The following FRY variants were observed in gnomAD, a reference collection of about 807,000 sequenced individuals.
FRY encodes the protein protein furry homolog.
A neutral mutation model predicts 348.4 loss-of-function variants in FRY; 128 were observed. That is an observed-to-expected ratio of 0.37 (90% CI 0.32 to 0.43). The LOEUF (loss-of-function observed/expected upper bound fraction) is 0.43, where lower values mean the gene tolerates loss of function less well. Among genes scored for constraint, FRY ranks in the 20% least tolerant of loss-of-function variants. FRY has a pLI of 1.00. For missense variants in FRY, 2,736 were observed against 3,695.2 expected (o/e 0.74, Z 6.73); for synonymous variants, 1,370 against 1,374.7 (o/e 1.00, Z 0.08).
Position 32,247,652 on chromosome 13 carries a change from G to C in FRY, c.7008+150G>C, listed in dbSNP as rs774243391. 285 of 709,918 alleles carry C rather than the reference G, an allele frequency of 4.0e-4. 2 individuals carry two copies. The highest frequency in any genetic ancestry group is 1.1e-4 in the Non-Finnish European group (44 of 404,002). The allele number at this position is 709,918 out of a possible 1,614,324, so 44.0% of individuals were successfully genotyped here. The stretch of plus-strand genomic sequence containing the variant: ...GCTAAATTAGGTTTTGCTTTTTAAA[G>C]AACCCATTGAGTGTCATATTCACTG... On this transcript the variant is annotated intron_variant, in intron 48 of 60. Transcript: ENST00000542859.
chr13:32,270,398 G>T (rs1888146432), intron 55 of FRY, among the ~76,000 whole-genome samples: 1 of 152,150 alleles, frequency 6.6e-6, no homozygotes, highest in African/African-American at 2.4e-5. Context: ...GTAAAGACAA[G>T]GTTTCACCAT....
intron 41 of FRY, 38 bp downstream of exon 41, chr13:32,231,338 T>C (rs1885905199): frequency 6.2e-7 from 1 of 1,604,250 alleles, no homozygotes; most frequent in Non-Finnish European, 8.5e-7. Context: ...TCTTTCAGCA[T>C]TGTTCTGTAA....
At chr13:32,113,483 C>T (rs1208536013) in intron 3 of FRY, among the ~76,000 whole-genome samples, 2 of 152,192 alleles carry the variant, frequency 1.3e-5, no homozygotes, top group Admixed American at 1.3e-4. Context: ...AACATTAAAA[C>T]ATTTACAAAG....
At chr13:32,056,347 C>G (rs7336597) in intron 1 of FRY, among the ~76,000 whole-genome samples, 4,944 of 152,226 alleles carry the variant, frequency 0.032, 283 homozygotes, top group African/African-American at 0.11. Flanking sequence ...AGCTTGCTGT[C>G]AGAGGTACCC....
intron 50 of FRY, among the ~76,000 whole-genome samples, chr13:32,252,899 C>T (rs544154183): frequency 1.3e-5 from 2 of 152,134 alleles, no homozygotes; most frequent in East Asian, 1.9e-4. Flanking sequence ...GCTCCTGTGA[C>T]AATATTTAGG....
intron 51 of FRY, among the ~76,000 whole-genome samples, chr13:32,256,770 A>G (rs1201319957): frequency 6.6e-6 from 1 of 152,174 alleles, no homozygotes; most frequent in Non-Finnish European, 1.5e-5. Context: ...CATGGATGCA[A>G]TTCCTCTTGC....
chr13:32,145,670 G>A (rs375292110), intron 11 of FRY, among the ~76,000 whole-genome samples: 4,134 of 149,954 alleles, frequency 0.028, 72 homozygotes, highest in Non-Finnish European at 0.033. Context: ...TCAGCCTCCC[G>A]AGTAGCTGGG....
chr13:32,266,140 A>G (rs7981294), intron 54 of FRY, among the ~76,000 whole-genome samples: 2,022 of 152,322 alleles, frequency 0.013, 63 homozygotes, highest in African/African-American at 0.046. Flanking sequence ...ATCACAAATA[A>G]TAATGCTACA....
rs184059535 is a variant in FRY at position 32,163,004 on chromosome 13, G to A, written c.1892+1753G>A. On this transcript the variant is annotated intron_variant, in intron 17 of 60. Transcript: ENST00000542859. ...ATGAACACGATGATTTAGGGGCTGG[G>A]GGAAGCTGAGGGAAAGAGAGACTAA... Among the ~76,000 whole-genome samples the A allele has an allele frequency of 1.7e-3, 258 of 152,298 alleles. 1 individual carries two copies. The highest frequency in any genetic ancestry group is 0.016 in the South Asian group (78 of 4,826).
chr13:32,111,081 A>G (rs1032421728), intron 3 of FRY, among the ~76,000 whole-genome samples: 2 of 152,346 alleles, frequency 1.3e-5, no homozygotes, highest in African/African-American at 4.8e-5. Context: ...GGAGACTTCA[A>G]GGGAAATTAT....
At chr13:32,294,708 CA>C (rs1889546915) in intron 60 of FRY, 138 bp downstream of exon 60, 1 of 713,590 alleles carries the variant, frequency 1.4e-6, no homozygotes, top group African/African-American at 1.7e-5. Context: ...GCTGCCAAAC[CA>C]GAAACACTCA....
chr13:32,124,757 C>A, intron 6 of FRY, 38 bp from the exon 7 acceptor site: 1 of 1,545,668 alleles, frequency 6.5e-7, no homozygotes, highest in Non-Finnish European at 8.9e-7. Context: ...TTTCCGATGA[C>A]CAGGGATCCC....
Position 32,218,739 on chromosome 13 carries a change from G to T in FRY, c.4683-10G>T. The T allele has an allele frequency of 2.0e-6, 3 of 1,483,494 alleles. No homozygotes were observed. The highest frequency in any genetic ancestry group is 2.8e-6 in the Non-Finnish European group (3 of 1,065,294). 91.9% of individuals were successfully genotyped at this position (1,483,494 alleles called of 1,614,324 possible). The stretch of plus-strand genomic sequence containing the variant: ...TTAATATTTCATTCTGGTTGTTCTT[G>T]TATTTGAAGGTTTAGTAATGTCATC... On this transcript the variant is annotated splice_polypyrimidine_tract_variant and intron_variant, in intron 35 of 60. Coordinates refer to ENST00000542859, the MANE Select transcript of FRY (RefSeq NM_023037.3).
Position 32,186,348 on chromosome 13 carries a change from T to C in FRY, c.3408T>C (p.Ile1136=), listed in dbSNP as rs1416842845. The C allele has an allele frequency of 3.7e-6, 6 of 1,609,266 alleles. No homozygotes were observed. The change falls in exon 27 of 61, where the codon ATT becomes ATC. Residue 1136 remains isoleucine (I), a synonymous_variant. Coordinates refer to ENST00000542859, the MANE Select transcript of FRY (RefSeq NM_023037.3). ...LFSQWAGPFS[I]MFTPLDRYSD... is the part of the protein sequence containing the mutation. ...GCCAGTGGGCAGGACCCTTCAGCAT[T>C]ATGTTCACTCCTCTGGATCGTTACA...
chr13:32,247,850 A>G (rs931143360), intron 48 of FRY, among the ~76,000 whole-genome samples: 1 of 152,218 alleles, frequency 6.6e-6, no homozygotes, highest in Admixed American at 6.5e-5. Context: ...TTCTCCCTGA[A>G]TGACAGCCAG....
intron 11 of FRY, among the ~76,000 whole-genome samples, chr13:32,145,531 T>TG (rs1566095520): frequency 3.0e-4 from 24 of 79,012 alleles, no homozygotes; most frequent in African/African-American, 7.0e-4. Flanking sequence ...GATTTGTTTT[T>TG]TTTTTTTTTT....
intron 4 of FRY, among the ~76,000 whole-genome samples, chr13:32,117,838 A>G (rs986405225): frequency 2.0e-5 from 3 of 152,172 alleles, no homozygotes; most frequent in Non-Finnish European, 4.4e-5. Flanking sequence ...TCCTCGTTCC[A>G]GTAACCTTGA....
chr13:32,043,554 C>T (rs1011423179), intron 1 of FRY, among the ~76,000 whole-genome samples: 2 of 152,098 alleles, frequency 1.3e-5, no homozygotes, highest in Non-Finnish European at 2.9e-5. Flanking sequence ...AACCTAGACT[C>T]TAGGATAAAC....
Position 32,225,740 on chromosome 13 carries a change from A to G in FRY, c.5021-49A>G, listed in dbSNP as rs778727891. The G allele has an allele frequency of 3.7e-6, 5 of 1,347,322 alleles. No individual in the cohort carries two copies. In the South Asian group the frequency reaches 5.8e-5, roughly 16 times the overall value. The allele number at this position is 1,347,322 out of a possible 1,614,324, so 83.5% of individuals were successfully genotyped here. On this transcript the variant is annotated intron_variant, in intron 38 of 60. Transcript: ENST00000542859. ...GGAATCTTTACTATCCCTGGAATCT[A>G]AACGAGCTTAACGTTTGTTTATACT...
Sources: allele counts gnomAD v4.1 joint callset (sites outside exome capture counted in the v4.1 genomes callset), GRCh38; gene constraint gnomAD v4.1.1; transcripts MANE v1.5; gene names NCBI Gene and HGNC (gene_info 2026-07-23, HGNC 2026-07-21).